The following NXF2B variants were observed in gnomAD, a reference collection of about 807,000 sequenced individuals.
NXF2B encodes nuclear RNA export factor 2.
intron 1 of NXF2B, among the ~76,000 whole-genome samples, chrX:102,377,177 TGTGTGTGAGA>T (rs1214233672): frequency 3.6e-4 from 27 of 74,863 alleles, no homozygotes; most frequent in East Asian, 5.2e-4. Context: ...TGTGTGTGTG[TGTGTGTGAGA>T]GAGAGAGAGC....
intron 2 of NXF2B, among the ~76,000 whole-genome samples, chrX:102,397,998 A>G (rs1934335989): frequency 9.3e-6 from 1 of 107,931 alleles, no homozygotes; most frequent in Non-Finnish European, 1.9e-5. Context: ...CCTGCATCCA[A>G]CAAAGGACTA....
chrX:102,407,662 AAAAC>A (rs1451582724), intron 2 of NXF2B, among the ~76,000 whole-genome samples: 18 of 50,080 alleles, frequency 3.6e-4, no homozygotes, highest in South Asian at 1.1e-3. Context: ...ATGCTGAAGG[AAAAC>A]AAACAAACAA....
intron 2 of NXF2B, among the ~76,000 whole-genome samples, chrX:102,392,794 G>C (rs1602453272): frequency 1.8e-5 from 1 of 56,596 alleles, no homozygotes; most frequent in African/African-American, 6.1e-5. Context: ...GAATATAAAA[G>C]AGTTGTACAT....
chrX:102,398,049 A>T (rs1364527651), intron 2 of NXF2B, among the ~76,000 whole-genome samples: 1 of 82,302 alleles, frequency 1.2e-5, no homozygotes, highest in Non-Finnish European at 2.3e-5. Context: ...AATCGGCAAG[A>T]AAAAAGCAAA....
At chrX:102,420,636 A>G (rs1174987387) in intron 2 of NXF2B, among the ~76,000 whole-genome samples, 2 of 99,989 alleles carry the variant, frequency 2.0e-5, no homozygotes, top group Non-Finnish European at 4.2e-5. Context: ...TCCTGGATTC[A>G]TTGATTTTTT....
intron 1 of NXF2B, 111 bp downstream of exon 1, chrX:102,439,759 G>A (rs1602458177): frequency 5.3e-5 from 1 of 18,710 alleles, no homozygotes; most frequent in East Asian, 5.5e-4. Context: ...GCGACATTAC[G>A]CCCCAGCCTG....
chrX:102,393,009 C>T (rs1157936301), intron 2 of NXF2B, among the ~76,000 whole-genome samples: 1 of 11,013 alleles, frequency 9.1e-5, no homozygotes, highest in African/African-American at 1.1e-4. Context: ...GTGCTGCACC[C>T]ATTAACTCGT....
intron 2 of NXF2B, among the ~76,000 whole-genome samples, chrX:102,420,284 C>CT (rs1934407911): frequency 1.2e-5 from 1 of 84,314 alleles, no homozygotes; most frequent in Non-Finnish European, 2.4e-5. Context: ...AATTCGGGGG[C>CT]GTGAATCCAT....
chrX:102,412,510 GAA>G (rs1367948138), intron 2 of NXF2B, among the ~76,000 whole-genome samples: 12 of 206 alleles, frequency 0.058, 5 homozygotes, highest in African/African-American at 0.09. Context: ...AGAAGAAGAA[GAA>G]GAAGAAGAAG....
chrX:102,392,275 CTT>C (rs1934287166), intron 2 of NXF2B, among the ~76,000 whole-genome samples: 1 of 63,107 alleles, frequency 1.6e-5, no homozygotes, highest in Non-Finnish European at 3.1e-5. Flanking sequence ...GATCTTCTCT[CTT>C]TTCTTCTTTT....
chrX:102,398,392 C>T (rs1181971556), intron 2 of NXF2B, among the ~76,000 whole-genome samples: 1 of 19,077 alleles, frequency 5.2e-5, no homozygotes, highest in African/African-American at 2.6e-4. Context: ...AACTACCATT[C>T]GATCCAGCAA....
At chrX:102,377,390 A>AT (rs1486707026) in intron 1 of NXF2B, among the ~76,000 whole-genome samples, 4 of 30,883 alleles carry the variant, frequency 1.3e-4, no homozygotes, top group African/African-American at 5.3e-4. Flanking sequence ...TGTAAATGGT[A>AT]TATTTACAAT....
At chrX:102,386,187 A>C (rs1393540838) in intron 2 of NXF2B, among the ~76,000 whole-genome samples, 1 of 115,024 alleles carries the variant, frequency 8.7e-6, no homozygotes, top group African/African-American at 3.1e-5. Context: ...CCTCGTGATC[A>C]GCCCGCCTTG....
intron 2 of NXF2B, among the ~76,000 whole-genome samples, chrX:102,435,948 C>G (rs868930067): frequency 0.029 from 1,014 of 35,171 alleles, 24 homozygotes; most frequent in East Asian, 0.061. Context: ...GGCAACATAG[C>G]GAGGCCCCAT....
chrX:102,405,097 C>T (rs1328506035), intron 2 of NXF2B, among the ~76,000 whole-genome samples: 8 of 86,548 alleles, frequency 9.2e-5, no homozygotes, highest in East Asian at 3.2e-4. Flanking sequence ...CTGGCTAACA[C>T]GGTGGAACCC....
rs1556393178 is a variant in NXF2B, at chrX:102,412,641, AAGAAGT to A, written c.-54+25906_-54+25911del. 8.3e-4 allele frequency among the ~76,000 whole-genome samples: 26 copies of A among 31,466 alleles called. 1 individual carries two copies. Among genetic ancestry groups the A allele is most frequent in the Middle Eastern group, 0.014 (1 of 70 alleles). The allele number at this position is 31,466 out of a possible 115,157, so 27.3% of individuals were successfully genotyped here. A position where few individuals can be genotyped will look rare whatever the true frequency, so the allele number is the denominator to read the frequency against. Reference sequence around the variant, plus strand: ...GAAGAAGAAGAAGAAGAAGAAGAAGAAGAAGTAGTCATCATCGTCGTTGTTGTCATC... The same window carrying A: ...GAAGAAGAAGAAGAAGAAGAAGAAGAAGTCATCATCGTCGTTGTTGTCATC... On this transcript the variant is annotated intron_variant, in intron 2 of 22. Transcript: ENST00000602195.
At position 102,392,928 on chromosome X, in the gene NXF2B, T is replaced by A. The variant is rs781858900; in HGVS notation, c.-53-12839A>T. Among the ~76,000 whole-genome samples the A allele has an allele frequency of 8.6e-4, 17 of 19,792 alleles. 6 individuals are homozygous for A. The Non-Finnish European group carries it at 0.013, about 15-fold the overall frequency. The allele number at this position is 19,792 out of a possible 115,157, so 17.2% of individuals were successfully genotyped here. A position where few individuals can be genotyped will look rare whatever the true frequency, so the allele number is the denominator to read the frequency against. ...ACAGACTTCTTTTTTTTTTTTTTAATCCTTTAAGTTTTAGGGTACATGTGC... is the reference window on the plus strand; with the variant it reads ...ACAGACTTCTTTTTTTTTTTTTTAAACCTTTAAGTTTTAGGGTACATGTGC... On this transcript the variant is annotated intron_variant, in intron 2 of 22. Coordinates refer to the NXF2B transcript ENST00000602195.
Position 102,426,484 on chromosome X carries a change from T to TTGACTGAC in NXF2B, c.-54+12061_-54+12068dup, listed in dbSNP as rs1356351349. Among the ~76,000 whole-genome samples, 351 of 55,172 alleles carry TTGACTGAC rather than the reference T, an allele frequency of 6.4e-3. 1 individual carries two copies. Among genetic ancestry groups the TTGACTGAC allele is most frequent in the Middle Eastern group, 0.014 (2 of 138 alleles). The allele number at this position is 55,172 out of a possible 115,157, so 47.9% of individuals were successfully genotyped here. A position where few individuals can be genotyped will look rare whatever the true frequency, so the allele number is the denominator to read the frequency against. ...TGTCTGCACGTCTGCACATGGTTGA[T>TTGACTGAC]TGACTGACTGACTGACTGACTGACT... On this transcript the variant is annotated intron_variant, in intron 2 of 22. Transcript: ENST00000602195.
chrX:102,377,215 AGAGT>A (rs1934242709), intron 1 of NXF2B, among the ~76,000 whole-genome samples: 4 of 76,207 alleles, frequency 5.2e-5, no homozygotes, highest in African/African-American at 9.9e-5. Context: ...AGAGAGAAAG[AGAGT>A]GTGTGCGCAC....
Sources: gnomAD v4.1 joint callset for allele counts (sites outside exome capture counted in the v4.1 genomes callset) on GRCh38, gnomAD v4.1.1 for gene constraint, MANE v1.5 for transcripts, NCBI Gene and HGNC (gene_info 2026-07-23, HGNC 2026-07-21) for gene names.